Variants in ZBTB49 observed in about 807,000 individuals in gnomAD.
ZBTB49 encodes zinc finger and BTB domain containing 49, also known as zinc finger and BTB domain-containing protein 49.
ZBTB49 carries 43 observed loss-of-function variants against 57.5 expected under a neutral mutation model. The ratio of observed to expected loss-of-function variants is 0.75; its 90% CI spans 0.59 to 0.97. ZBTB49 has a LOEUF of 0.97. Ranked by LOEUF, ZBTB49 falls within the 50% of genes least tolerant of loss-of-function variation. ZBTB49 has a pLI of 0.00. For missense variants in ZBTB49, 938 were observed against 947.7 expected (o/e 0.99, Z 0.13); for synonymous variants, 369 against 362.1 (o/e 1.02, Z -0.22).
intron 3 of ZBTB49, among the ~76,000 whole-genome samples, chr4:4,304,816 C>G (rs1720667381): frequency 6.6e-6 from 1 of 152,146 alleles, no homozygotes; most frequent in Non-Finnish European, 1.5e-5. Context: ...TGATGAAGTC[C>G]TCACCCTGGT....
At chr4:4,297,857 A>G (rs2108871377) in intron 1 of ZBTB49, among the ~76,000 whole-genome samples, 1 of 152,150 alleles carries the variant, frequency 6.6e-6, no homozygotes, top group Non-Finnish European at 1.5e-5. Flanking sequence ...GGTCAGGTAT[A>G]AGTAAAGTAT....
Position 4,302,383 on chromosome 4 carries a change from C to A in ZBTB49, c.547C>A (p.Arg183Ser), listed in dbSNP as rs1365901662. Residue 183 changes from arginine to serine, a missense_variant, in exon 3 of 8, where the codon CGT (arginine) becomes AGT (serine). Transcript: ENST00000337872. ...SHPHASPSVN[R>S]HHSAGEISKQ... The stretch of plus-strand genomic sequence containing the variant: ...TCCGCATGCTTCACCATCAGTTAAT[C>A]GTCATCACTCCGCAGGTGAAATCTC... The A allele has an allele frequency of 6.2e-7, 1 of 1,614,222 alleles. No individual in the cohort carries two copies. Among genetic ancestry groups the A allele is most frequent in the East Asian group, 2.2e-5 (1 of 44,890 alleles).
Position 4,302,259 on chromosome 4 carries a change from C to T in ZBTB49, c.423C>T (p.Thr141=), listed in dbSNP as rs747572410. ...CATTGTCTCTACAAAGCACCCTGAC[C>T]CCAGATGCCACTTGTGTTATCAGTG... is the stretch of plus-strand genomic sequence containing the variant. The part of the protein sequence containing the change: ...NSTLSLQSTL[T]PDATCVISEN... The change falls in exon 3 of 8, where the codon ACC becomes ACT. Residue 141 remains threonine (T), a synonymous_variant. Coordinates refer to ENST00000337872, the MANE Select transcript of ZBTB49 (RefSeq NM_145291.4). The T allele has an allele frequency of 6.8e-6, 11 of 1,614,194 alleles. No individual in the cohort carries two copies. The highest frequency in any genetic ancestry group is 1.3e-5 in the African/African-American group (1 of 75,056).
At chr4:4,306,342 A>G (rs1270232624) in intron 4 of ZBTB49, among the ~76,000 whole-genome samples, 158 bp downstream of exon 4, 1 of 152,242 alleles carries the variant, frequency 6.6e-6, no homozygotes, top group African/African-American at 2.4e-5. Flanking sequence ...TTTTCAAGAA[A>G]ACAGATTTCT....
intron 1 of ZBTB49, among the ~76,000 whole-genome samples, chr4:4,292,005 G>A (rs970492029): frequency 6.6e-6 from 1 of 152,052 alleles, no homozygotes; most frequent in Admixed American, 6.6e-5. Flanking sequence ...GGGTGTGGTG[G>A]CGCATGCCTG....
chr4:4,321,748 ATAATT>A lies in ZBTB49; in HGVS notation c.*438_*442del, dbSNP rs1329819826. 5.7e-6 allele frequency: 1 copy of A among 176,364 alleles called. No individual in the cohort carries two copies. The allele number at this position is 176,364 out of a possible 1,614,324, so 10.9% of individuals were successfully genotyped here. A position where few individuals can be genotyped will look rare whatever the true frequency, so the allele number is the denominator to read the frequency against. On this transcript the variant is annotated 3_prime_UTR_variant, in exon 8 of 8. Coordinates refer to ENST00000337872, the MANE Select transcript of ZBTB49 (RefSeq NM_145291.4). ...TTTATTTGTATATGAAACTCATACC[ATAATT>A]TAATTCGAATAAATGAAACTTTTCT... is the stretch of plus-strand genomic sequence containing the variant.
chr4:4,314,043 A>C (rs1179913887), intron 5 of ZBTB49, among the ~76,000 whole-genome samples: 1 of 152,190 alleles, frequency 6.6e-6, no homozygotes, highest in Non-Finnish European at 1.5e-5. Flanking sequence ...GTGTCCTCAT[A>C]TTCAGTCTCA....
At chr4:4,319,779 C>T (rs1426576389) in intron 7 of ZBTB49, among the ~76,000 whole-genome samples, 2 of 152,222 alleles carry the variant, frequency 1.3e-5, no homozygotes, top group Non-Finnish European at 2.9e-5. Flanking sequence ...CGAGATTGCA[C>T]CTCACTCCAG....
chr4:4,290,306 T>G lies in ZBTB49; in HGVS notation c.-66T>G, dbSNP rs1719825023. On this transcript the variant is annotated 5_prime_UTR_variant, in exon 1 of 8. Transcript: ENST00000337872. ...CGCTGCGAGTGGCCTTGAAGGCAGC[T>G]GCTGCAGGTGAAGAGTAGGCGGCGG... The G allele has an allele frequency of 6.6e-6, 1 of 152,426 alleles. No homozygotes were observed. The highest frequency in any genetic ancestry group is 1.5e-5 in the Non-Finnish European group (1 of 68,212). The allele number at this position is 152,426 out of a possible 1,614,324, so 9.4% of individuals were successfully genotyped here. A position where few individuals can be genotyped will look rare whatever the true frequency, so the allele number is the denominator to read the frequency against.
intron 1 of ZBTB49, among the ~76,000 whole-genome samples, chr4:4,299,500 G>A: frequency 6.6e-6 from 1 of 152,138 alleles, no homozygotes; most frequent in East Asian, 1.9e-4. Flanking sequence ...ACATTTTTAT[G>A]TATGTGTATA....
intron 1 of ZBTB49, among the ~76,000 whole-genome samples, chr4:4,296,462 C>T (rs571855020): frequency 4.6e-5 from 7 of 152,272 alleles, no homozygotes; most frequent in East Asian, 1.9e-4. Context: ...GTTTTAAAAA[C>T]GGGAGTTTCC....
intron 2 of ZBTB49, among the ~76,000 whole-genome samples, chr4:4,300,798 T>C (rs771166205): frequency 2.0e-5 from 3 of 146,828 alleles, no homozygotes; most frequent in Non-Finnish European, 3.0e-5. Context: ...AAAAAAAAAA[T>C]TGTTAGAGTT....
At chr4:4,306,778 C>A (rs1205159083) in intron 4 of ZBTB49, among the ~76,000 whole-genome samples, 1 of 152,194 alleles carries the variant, frequency 6.6e-6, no homozygotes, top group Non-Finnish European at 1.5e-5. Flanking sequence ...CTTGTGGGAA[C>A]CTATTCTTTC....
rs778798382 is a variant in ZBTB49 at position 4,302,748 on chromosome 4, A to C, written c.912A>C (p.Lys304Asn). 2 of 1,614,142 alleles carry C rather than the reference A, an allele frequency of 1.2e-6. No homozygotes were observed. Among genetic ancestry groups the C allele is most frequent in the African/African-American group, 1.3e-5 (1 of 75,024 alleles). ...CQQPVKQMRL[K>N]KAIHLKKLNF... ...AACCTGTCAAGCAGATGAGGCTCAA[A>C]AAGGCCATTCATCTGAAGAAGCTCA... The change falls in exon 3 of 8, where the codon AAA (lysine) becomes AAC (asparagine). Residue 304 changes from lysine to asparagine, a missense_variant. Physicochemically the swap from Lys to Asn is moderately conservative, Grantham distance 94 (BLOSUM62 0). This residue lies in a region of ZBTB49 where 835 missense variants were observed against 819.1 expected (regional missense o/e 1.02). Transcript: ENST00000337872.
chr4:4,302,586 C>T lies in ZBTB49; in HGVS notation c.750C>T (p.Thr250=), dbSNP rs1423426597. The change falls in exon 3 of 8, where the codon ACC becomes ACT. Residue 250 remains threonine (T), a synonymous_variant. Transcript: ENST00000337872. ...CTTTCAGCACCTCTACAGACCTTAC[C>T]ACGGTAGAGAGCCAGCCTTGTGCCG... ...PFAFSTSTDL[T]TVESQPCAVS... 6.2e-7 allele frequency: 1 copy of T among 1,613,940 alleles called. No homozygotes were observed. Among genetic ancestry groups the T allele is most frequent in the South Asian group, 1.1e-5 (1 of 91,046 alleles).
At chr4:4,309,881 A>G (rs1720909355) in intron 4 of ZBTB49, among the ~76,000 whole-genome samples, 1 of 152,246 alleles carries the variant, frequency 6.6e-6, no homozygotes, top group African/African-American at 2.4e-5. Flanking sequence ...TTTAAGTGAT[A>G]TCTCTATGTT....
chr4:4,320,644 A>T lies in ZBTB49; in HGVS notation c.1626A>T (p.Lys542Asn). 6.2e-7 allele frequency: 1 copy of T among 1,613,448 alleles called. No homozygotes were observed. Among genetic ancestry groups the T allele is most frequent in the Non-Finnish European group, 8.5e-7 (1 of 1,179,878 alleles). The change falls in exon 8 of 8, where the codon AAA (lysine) becomes AAT (asparagine). Residue 542 changes from lysine (K) to asparagine (N), a missense_variant. By Grantham distance (94) the Lys-to-Asn change is moderately conservative. Coordinates refer to ENST00000337872, the MANE Select transcript of ZBTB49 (RefSeq NM_145291.4). ...TAACTGTTTTTCTTTTTCCAGGGAA[A>T]TGTTTTGGGGGATCAGGTGACCTCC... is the stretch of plus-strand genomic sequence containing the variant. ...ERPYSCSACG[K>N]CFGGSGDLRR...
chr4:4,312,499 C>G (rs1479845876), intron 4 of ZBTB49, among the ~76,000 whole-genome samples: 1 of 152,122 alleles, frequency 6.6e-6, no homozygotes, highest in Non-Finnish European at 1.5e-5. Context: ...CCTGATTTGC[C>G]CTTTTGCACA....
At position 4,302,359 on chromosome 4, in the gene ZBTB49, C is replaced by T. The variant is rs1560107874; in HGVS notation, c.523C>T (p.Pro175Ser). Residue 175 changes from proline (P) to serine (S), a missense_variant, in exon 3 of 8, where the codon CCG becomes TCG. Coordinates refer to ENST00000337872, the MANE Select transcript of ZBTB49 (RefSeq NM_145291.4). ...QQNKTLDESH[P>S]HASPSVNRHH... Reference sequence around the variant, plus strand: ...GAACAAAACGTTGGATGAATCGCATCCGCATGCTTCACCATCAGTTAATCG... The same window carrying T: ...GAACAAAACGTTGGATGAATCGCATTCGCATGCTTCACCATCAGTTAATCG... 3.1e-6 allele frequency: 5 copies of T among 1,614,226 alleles called. No individual in the cohort carries two copies. The highest frequency in any genetic ancestry group is 2.5e-6 in the Non-Finnish European group (3 of 1,180,040).
Sources: gnomAD v4.1 joint callset for allele counts (sites outside exome capture counted in the v4.1 genomes callset) on GRCh38, gnomAD v4.1.1 for gene constraint, gnomAD v4.1.1 regional missense constraint, MANE v1.5 for transcripts, NCBI Gene and HGNC (gene_info 2026-07-23, HGNC 2026-07-21) for gene names.